Variants in ICA1 observed in about 807,000 individuals in gnomAD.
ICA1 encodes 69 kDa islet cell autoantigen.
ICA1 carries 40 observed loss-of-function variants against 71.0 expected under a neutral mutation model. That is an observed-to-expected ratio of 0.56 (90% confidence interval 0.44 to 0.73). The LOEUF (loss-of-function observed/expected upper bound fraction) is 0.73. Ranked by LOEUF, ICA1 falls within the 30% of genes least tolerant of loss-of-function variation. ICA1 has a pLI of 0.00. For missense variants in ICA1, 578 were observed against 576.5 expected, an observed-to-expected ratio of 1.00 and a Z score of -0.03; for synonymous variants, 207 against 209.5, an observed-to-expected ratio of 0.99 and a Z score of 0.10.
chr7:8,202,591 C>T (rs1377143147), intron 6 of ICA1, among the ~76,000 whole-genome samples: 1 of 152,156 alleles, frequency 6.6e-6, no homozygotes, highest in East Asian at 1.9e-4. Context: ...ATTTCAGAAC[C>T]TCTAGTGCAT....
intron 6 of ICA1, among the ~76,000 whole-genome samples, chr7:8,167,781 C>A (rs910504421): frequency 6.6e-6 from 1 of 152,136 alleles, no homozygotes; most frequent in Non-Finnish European, 1.5e-5. Context: ...TTGAATTAAT[C>A]ATAATGCACT....
chr7:8,158,776 G>T, intron 6 of ICA1, 124 bp from the exon 7 acceptor site: 1 of 925,734 alleles, frequency 1.1e-6, no homozygotes, highest in Non-Finnish European at 1.6e-6. Flanking sequence ...GAAAATTCCA[G>T]ACAAATGGGA....
At chr7:8,115,852 A>G (rs1453118456) in intron 13 of ICA1, among the ~76,000 whole-genome samples, 1 of 152,190 alleles carries the variant, frequency 6.6e-6, no homozygotes, top group African/African-American at 2.4e-5. Context: ...TTTGACAACT[A>G]TGAAACCTGG....
rs1796827954 is a variant in ICA1 at position 8,220,859 on chromosome 7, T to C, written c.380+416A>G. The stretch of plus-strand genomic sequence containing the variant: ...TGGACCTGGGCATGAGAACAGCACC[T>C]CTCTGAAGTTAATTGGTCCACAGAG... On this transcript the variant is annotated intron_variant, in intron 5 of 13. Coordinates refer to ENST00000402384, the MANE Select transcript of ICA1 (RefSeq NM_001136020.3). Among the ~76,000 whole-genome samples the C allele has an allele frequency of 3.9e-5, 6 of 151,996 alleles. 1 individual carries two copies. The South Asian group carries it at 8.3e-4, about 21-fold the overall frequency.
intron 1 of ICA1, among the ~76,000 whole-genome samples, chr7:8,247,288 A>G (rs1447903927): frequency 6.6e-6 from 1 of 151,982 alleles, no homozygotes; most frequent in Admixed American, 6.6e-5. Flanking sequence ...CTGTCTCTAC[A>G]AAAAAATAAT....
chr7:8,237,357 G>A (rs1196488686), intron 1 of ICA1, among the ~76,000 whole-genome samples: 1 of 152,090 alleles, frequency 6.6e-6, no homozygotes, highest in Non-Finnish European at 1.5e-5. Flanking sequence ...TAAAAAGAGG[G>A]TGTTCAAAGG....
intron 6 of ICA1, among the ~76,000 whole-genome samples, chr7:8,192,481 T>C (rs1052170804): frequency 6.6e-6 from 1 of 152,238 alleles, no homozygotes; most frequent in Non-Finnish European, 1.5e-5. Flanking sequence ...ATGTTAACTT[T>C]AATCTTTTGG....
chr7:8,151,653 T>C (rs1281664253), intron 8 of ICA1, among the ~76,000 whole-genome samples: 2 of 152,248 alleles, frequency 1.3e-5, no homozygotes, highest in African/African-American at 4.8e-5. Flanking sequence ...ATGGCTTTAT[T>C]TTCAAAGCAA....
In ICA1 at chr7:8,123,620, T is replaced by C. The variant is rs1467638355; in HGVS notation, c.1330+4253A>G. ...TCAAATATTCTATTCTGGAACATCA[T>C]TCAATTGTGTGTGGACTTAGCCTCT... is the stretch of plus-strand genomic sequence containing the variant. On this transcript the variant is annotated intron_variant, in intron 13 of 13. Coordinates refer to ENST00000402384, the MANE Select transcript of ICA1 (RefSeq NM_001136020.3). This position sits in a 1 kb window ranked among gnomAD's most constrained non-coding sequence, Gnocchi z 4.1. 6.6e-6 allele frequency among the ~76,000 whole-genome samples: 1 copy of C among 152,130 alleles called. No homozygotes were observed. The highest frequency in any genetic ancestry group is 1.9e-4 in the East Asian group (1 of 5,202).
At chr7:8,228,160 C>A (rs1241914243) in intron 4 of ICA1, among the ~76,000 whole-genome samples, 1 of 152,082 alleles carries the variant, frequency 6.6e-6, no homozygotes, top group Non-Finnish European at 1.5e-5. Context: ...TCTGTAGGAA[C>A]CTAATATCCA....
intron 8 of ICA1, among the ~76,000 whole-genome samples, chr7:8,155,103 A>G (rs1177477586): frequency 6.6e-6 from 1 of 152,222 alleles, no homozygotes; most frequent in African/African-American, 2.4e-5. Context: ...AGGTAACAAA[A>G]GAACAAAAGT....
intron 6 of ICA1, among the ~76,000 whole-genome samples, chr7:8,206,094 T>C (rs551875857): frequency 1.3e-5 from 2 of 152,078 alleles, no homozygotes; most frequent in South Asian, 4.2e-4. Context: ...TAGGACAGAA[T>C]TGAGATATGT....
chr7:8,186,793 C>A (rs187635213), intron 6 of ICA1, among the ~76,000 whole-genome samples: 1 of 152,204 alleles, frequency 6.6e-6, no homozygotes, highest in East Asian at 1.9e-4. Flanking sequence ...GTGACAGGGC[C>A]TCAACGTGCC....
Position 8,130,601 on chromosome 7 carries a change from T to C in ICA1, c.1061-2459A>G, listed in dbSNP as rs920154009. On this transcript the variant is annotated intron_variant, in intron 12 of 13. Transcript: ENST00000402384. The surrounding 1 kb of genome is among the most constrained non-coding windows in gnomAD (Gnocchi z 4.2). ...ATTGAAACCAAGTCAAGTCAATGTG[T>C]AGACCCTGGAGGAGCAGATAATTTC... Among the ~76,000 whole-genome samples, 1 of 152,228 alleles carries C rather than the reference T, an allele frequency of 6.6e-6. No homozygotes were observed. The highest frequency in any genetic ancestry group is 2.4e-5 in the African/African-American group (1 of 41,462).
Position 8,173,568 on chromosome 7 carries a change from G to A in ICA1, c.580-14916C>T, listed in dbSNP as rs1047341595. On this transcript the variant is annotated intron_variant, in intron 6 of 13. Transcript: ENST00000402384. The surrounding 1 kb of genome is among the most constrained non-coding windows in gnomAD (Gnocchi z 4.0). Reference sequence around the variant, plus strand: ...CTGCATATCCTATCAAACTGTCTGTGCTTCAGGACGACCGGATAATTGACA... The same window carrying A: ...CTGCATATCCTATCAAACTGTCTGTACTTCAGGACGACCGGATAATTGACA... 6.6e-6 allele frequency among the ~76,000 whole-genome samples: 1 copy of A among 152,190 alleles called. No individual in the cohort carries two copies. Among genetic ancestry groups the A allele is most frequent in the Non-Finnish European group, 1.5e-5 (1 of 68,022 alleles).
chr7:8,143,179 T>C (rs897612762), intron 9 of ICA1, among the ~76,000 whole-genome samples: 11 of 152,144 alleles, frequency 7.2e-5, no homozygotes, highest in Non-Finnish European at 1.5e-4. Flanking sequence ...CCATAGAAAA[T>C]GATACAGATC....
intron 1 of ICA1, among the ~76,000 whole-genome samples, chr7:8,261,509 T>C (rs1812377264): frequency 1.3e-5 from 2 of 152,166 alleles, no homozygotes; most frequent in Admixed American, 1.3e-4. Context: ...CCGAGACTGC[T>C]GAGCACCTCG....
chr7:8,229,190 G>C (rs1799512011), intron 3 of ICA1, among the ~76,000 whole-genome samples: 1 of 152,176 alleles, frequency 6.6e-6, no homozygotes, highest in East Asian at 1.9e-4. Context: ...TGGATGTCCT[G>C]TCTATTTAGA....
chr7:8,224,099 C>A (rs537804673), intron 4 of ICA1, among the ~76,000 whole-genome samples: 1 of 152,220 alleles, frequency 6.6e-6, no homozygotes, highest in Admixed American at 6.5e-5. Flanking sequence ...AAAACATAAT[C>A]ACAAACACGA....
Sources: gnomAD v4.1 joint callset for allele counts (sites outside exome capture counted in the v4.1 genomes callset) on GRCh38, gnomAD v4.1.1 for gene constraint, Gnocchi (gnomAD v3.1) non-coding constraint, MANE v1.5 for transcripts, NCBI Gene and HGNC (gene_info 2026-07-23, HGNC 2026-07-21) for gene names.